STPG4: variants seen among roughly 807,000 people sequenced by gnomAD.
STPG4 encodes sperm-tail PG-rich repeat containing 4.
A neutral mutation model predicts 31.5 loss-of-function variants in STPG4; 41 were observed. The observed-to-expected ratio is 1.30, with a 90% CI of 1.01 to 1.69. The LOEUF is 1.69. STPG4 is among the 40% of genes most tolerant of loss of function. The pLI, the probability that STPG4 is intolerant of heterozygous loss-of-function variation, is 0.00. For synonymous variants in STPG4, 141 were observed against 103.0 expected, an observed-to-expected ratio of 1.37 and a Z score of -2.24; for missense variants, 375 against 293.4, an observed-to-expected ratio of 1.28 and a Z score of -2.03.
At chr2:47,114,322 T>C (rs2103758888) in intron 5 of STPG4, among the ~76,000 whole-genome samples, 1 of 151,814 alleles carries the variant, frequency 6.6e-6, no homozygotes, top group Admixed American at 6.6e-5. Flanking sequence ...CTGGCCAACA[T>C]GGTGAAATCC....
At chr2:47,145,940 G>A (rs975963898) in intron 3 of STPG4, among the ~76,000 whole-genome samples, 1 of 152,188 alleles carries the variant, frequency 6.6e-6, no homozygotes, top group Non-Finnish European at 1.5e-5. Context: ...GGCTCATTGA[G>A]AACATGACAC....
chr2:47,126,590 G>C (rs935085852), intron 5 of STPG4, among the ~76,000 whole-genome samples: 1 of 152,076 alleles, frequency 6.6e-6, no homozygotes, highest in African/African-American at 2.4e-5. Flanking sequence ...GCCTCCCAAA[G>C]TGCTGAGATT....
At chr2:47,143,867 A>G (rs1317913597) in intron 3 of STPG4, among the ~76,000 whole-genome samples, 3 of 152,188 alleles carry the variant, frequency 2.0e-5, no homozygotes, top group Non-Finnish European at 4.4e-5. Flanking sequence ...CATTTGATAC[A>G]GGTGATAAAG....
intron 5 of STPG4, among the ~76,000 whole-genome samples, chr2:47,100,135 G>A (rs1242522158): frequency 5.9e-5 from 9 of 152,118 alleles, no homozygotes; most frequent in Non-Finnish European, 1.2e-4. Flanking sequence ...GTGCGGGACT[G>A]GCAGGCAGCT....
chr2:47,135,262 C>T (rs377398376), intron 3 of STPG4, among the ~76,000 whole-genome samples: 4 of 152,098 alleles, frequency 2.6e-5, no homozygotes, highest in African/African-American at 4.8e-5. Context: ...AACTCAAAGT[C>T]GTCTAGATTT....
chr2:47,088,296 A>C (rs1685500138), intron 6 of STPG4, among the ~76,000 whole-genome samples: 1 of 152,218 alleles, frequency 6.6e-6, no homozygotes, highest in African/African-American at 2.4e-5. Context: ...GATAAAATAC[A>C]AATAAATGCC....
intron 6 of STPG4, among the ~76,000 whole-genome samples, chr2:47,089,387 C>T (rs1196070805): frequency 6.6e-6 from 1 of 152,158 alleles, no homozygotes; most frequent in Non-Finnish European, 1.5e-5. Context: ...CAGGCCATGG[C>T]CTGGGATATA....
At chr2:47,130,171 G>C in intron 4 of STPG4, 25 bp downstream of exon 4, 1 of 1,599,162 alleles carries the variant, frequency 6.3e-7, no homozygotes, top group South Asian at 1.1e-5. Flanking sequence ...CAGAAAGGCA[G>C]CTTATTTAAT....
At chr2:47,148,366 C>CAGCGTA (rs1686869052) in intron 3 of STPG4, among the ~76,000 whole-genome samples, 1 of 151,824 alleles carries the variant, frequency 6.6e-6, no homozygotes, top group Non-Finnish European at 1.5e-5. Flanking sequence ...GTACCCCAAA[C>CAGCGTA]CTCAGCATCA....
At chr2:47,122,303 G>A (rs926811454) in intron 5 of STPG4, among the ~76,000 whole-genome samples, 4 of 151,866 alleles carry the variant, frequency 2.6e-5, no homozygotes, top group Middle Eastern at 3.2e-3. Flanking sequence ...AACTTTGTTT[G>A]CAGTTTGTTT....
At chr2:47,125,773 G>A (rs1668171404) in intron 5 of STPG4, among the ~76,000 whole-genome samples, 1 of 151,412 alleles carries the variant, frequency 6.6e-6, no homozygotes, top group South Asian at 2.1e-4. Context: ...TGCCCAGGCT[G>A]GTCTCGAATT....
intron 3 of STPG4, among the ~76,000 whole-genome samples, chr2:47,150,513 T>A (rs74783534): frequency 6.6e-6 from 1 of 151,752 alleles, no homozygotes; most frequent in Non-Finnish European, 1.5e-5. Context: ...TTTTTTTTTT[T>A]AATTAAAAAA....
At chr2:47,094,956 C>CTG (rs1573146739) in intron 5 of STPG4, among the ~76,000 whole-genome samples, 1 of 152,210 alleles carries the variant, frequency 6.6e-6, no homozygotes, top group African/African-American at 2.4e-5. Context: ...ACTGGTTAAT[C>CTG]TGTATCATCA....
rs774827446 is a variant in STPG4, at chr2:47,090,262, A to G, written c.624+8T>C. On this transcript the variant is annotated splice_region_variant and intron_variant, in intron 6 of 6. Coordinates refer to ENST00000445927, the MANE Select transcript of STPG4 (RefSeq NM_001163561.2). The stretch of plus-strand genomic sequence containing the variant: ...GGTGGGGGGCGATCTGTCTTTCCGA[A>G]TACTTACTGAACAGCTGGGCAAGAA... 56 of 1,545,362 alleles carry G rather than the reference A, an allele frequency of 3.6e-5. No homozygotes were observed. The highest frequency in any genetic ancestry group is 1.7e-4 in the Middle Eastern group (1 of 6,006).
chr2:47,099,756 G>A (rs560856755), intron 5 of STPG4, among the ~76,000 whole-genome samples: 55 of 152,386 alleles, frequency 3.6e-4, no homozygotes, highest in Middle Eastern at 3.4e-3. Context: ...GGGAACCGGG[G>A]CTGCGCGTGG....
intron 3 of STPG4, among the ~76,000 whole-genome samples, chr2:47,137,706 TTCTG>T (rs1686623289): frequency 6.6e-6 from 1 of 152,172 alleles, no homozygotes; most frequent in East Asian, 1.9e-4. Context: ...TTGTGGAAAA[TTCTG>T]TCTTTCAAGT....
intron 5 of STPG4, among the ~76,000 whole-genome samples, chr2:47,112,802 G>T: frequency 6.6e-6 from 1 of 151,914 alleles, no homozygotes; most frequent in East Asian, 1.9e-4. Flanking sequence ...AAAATCAAAA[G>T]TACCAGCCTG....
At chr2:47,140,759 A>G (rs1343781432) in intron 3 of STPG4, among the ~76,000 whole-genome samples, 1 of 152,216 alleles carries the variant, frequency 6.6e-6, no homozygotes, top group Non-Finnish European at 1.5e-5. Context: ...CACCATTTTG[A>G]GAACCCAGAC....
chr2:47,114,926 C>A (rs1686115951), intron 5 of STPG4, among the ~76,000 whole-genome samples: 1 of 152,104 alleles, frequency 6.6e-6, no homozygotes, highest in Admixed American at 6.6e-5. Flanking sequence ...CTCCACCATG[C>A]CCAGCTAATT....
Sources: allele counts gnomAD v4.1 joint callset (sites outside exome capture counted in the v4.1 genomes callset), GRCh38; gene constraint gnomAD v4.1.1; transcripts MANE v1.5; gene names NCBI Gene and HGNC (gene_info 2026-07-23, HGNC 2026-07-21).